SLC2A10: variants seen among roughly 807,000 people sequenced by gnomAD.
SLC2A10 encodes solute carrier family 2 member 10, also known as solute carrier family 2, facilitated glucose transporter member 10.
In SLC2A10, 25 loss-of-function variants were observed where a neutral mutation model predicts 32.1. That is an observed-to-expected ratio of 0.78 (90% CI 0.57 to 1.09). SLC2A10 has a LOEUF of 1.09. Among genes scored for constraint, SLC2A10 ranks in the 50% least tolerant of loss-of-function variants. The pLI, the probability that SLC2A10 is intolerant of heterozygous loss-of-function variation, is 0.00. For synonymous variants in SLC2A10, 332 were observed against 309.6 expected (o/e 1.07, Z -0.76); for missense variants, 673 against 686.5 (o/e 0.98, Z 0.22).
rs532190611 is a variant in SLC2A10, at chr20:46,720,876, G to A, written c.5-4165G>A. Reference sequence around the variant, plus strand: ...TTATTTTATATTCAAGTTATCTATTGCTGTTTAACAAAACACTCCAAGACT... The same window carrying A: ...TTATTTTATATTCAAGTTATCTATTACTGTTTAACAAAACACTCCAAGACT... On this transcript the variant is annotated intron_variant, in intron 1 of 4. Transcript: ENST00000359271. Among the ~76,000 whole-genome samples, 70 of 152,132 alleles carry A rather than the reference G, an allele frequency of 4.6e-4. 1 individual carries two copies. In the South Asian group the frequency reaches 0.013, roughly 29 times the overall value.
chr20:46,723,412 G>A (rs1979671051), intron 1 of SLC2A10, among the ~76,000 whole-genome samples: 1 of 152,176 alleles, frequency 6.6e-6, no homozygotes, highest in Non-Finnish European at 1.5e-5. Flanking sequence ...GGTGGGAAAT[G>A]TAGTCTTTTA....
At chr20:46,727,584 G>A (rs1321516957) in intron 3 of SLC2A10, among the ~76,000 whole-genome samples, 1 of 152,170 alleles carries the variant, frequency 6.6e-6, no homozygotes, top group Non-Finnish European at 1.5e-5. Context: ...CCAAAGTGCT[G>A]GGATTACGGG....
In SLC2A10 at chr20:46,736,069, G is replaced by A. The variant is rs1435241797; in HGVS notation, c.*2235G>A. 1.3e-5 allele frequency: 2 copies of A among 151,220 alleles called. No homozygotes were observed. Among genetic ancestry groups the A allele is most frequent in the African/African-American group, 4.9e-5 (2 of 41,048 alleles). The allele number at this position is 151,220 out of a possible 1,614,324, so 9.4% of individuals were successfully genotyped here. ...CAGTGATAGTTGACTTTGGATACAA[G>A]GTTTGGCAAAAAAAAAAATATTAAC... On this transcript the variant is annotated 3_prime_UTR_variant, in exon 5 of 5. Transcript: ENST00000359271.
At chr20:46,715,267 A>G (rs1244804153) in intron 1 of SLC2A10, among the ~76,000 whole-genome samples, 1 of 141,110 alleles carries the variant, frequency 7.1e-6, no homozygotes, top group African/African-American at 2.5e-5. Flanking sequence ...TCTATTGTCC[A>G]TTGGCCTTAT....
chr20:46,708,912 T>C (rs1978741112), upstream of SLC2A10, among the ~76,000 whole-genome samples: 1 of 152,230 alleles, frequency 6.6e-6, no homozygotes, highest in Admixed American at 6.5e-5. Flanking sequence ...GAATGCCGGA[T>C]CTCTGCTCAG....
intron 2 of SLC2A10, among the ~76,000 whole-genome samples, chr20:46,726,579 G>T (rs1014760948): frequency 2.0e-5 from 3 of 152,184 alleles, no homozygotes; most frequent in Admixed American, 1.3e-4. Context: ...AGCCCGGATA[G>T]CTCACAACTG....
At chr20:46,722,080 C>CATTTAAAAATCAGAAAATAGT (rs1292829971) in intron 1 of SLC2A10, among the ~76,000 whole-genome samples, 1 of 152,104 alleles carries the variant, frequency 6.6e-6, no homozygotes, top group East Asian at 1.9e-4. Flanking sequence ...CTTGGAACAG[C>CATTTAAAAATCAGAAAATAGT]ATTTAAAAAT....
Position 46,725,516 on chromosome 20 carries a change from C to G in SLC2A10, c.480C>G (p.Thr160=). 1 of 1,614,158 alleles carries G rather than the reference C, an allele frequency of 6.2e-7. No individual in the cohort carries two copies. Among genetic ancestry groups the G allele is most frequent in the Non-Finnish European group, 8.5e-7 (1 of 1,180,016 alleles). The part of the protein sequence containing the change: ...SYALNYALAG[T]PWGWRHMFGW... ...CCCTCAACTATGCACTGGCTGGTAC[C>G]CCCTGGGGATGGAGGCACATGTTCG... Residue 160 remains threonine, a synonymous_variant, in exon 2 of 5, where the codon ACC becomes ACG. Transcript: ENST00000359271.
chr20:46,722,614 C>T (rs1979623225), intron 1 of SLC2A10, among the ~76,000 whole-genome samples: 2 of 152,178 alleles, frequency 1.3e-5, no homozygotes, highest in African/African-American at 4.8e-5. Flanking sequence ...GGTTTCACTT[C>T]AAGATGGCCT....
At chr20:46,717,948 A>G (rs1393245869) in intron 1 of SLC2A10, among the ~76,000 whole-genome samples, 1 of 152,150 alleles carries the variant, frequency 6.6e-6, no homozygotes, top group African/African-American at 2.4e-5. Flanking sequence ...ACTGCCATGC[A>G]TGGTGACTCA....
At chr20:46,722,439 A>C (rs1979609905) in intron 1 of SLC2A10, among the ~76,000 whole-genome samples, 1 of 152,242 alleles carries the variant, frequency 6.6e-6, no homozygotes, top group Non-Finnish European at 1.5e-5. Context: ...TTTAGCATAA[A>C]ACATGTGCAG....
chr20:46,726,419 C>A, intron 2 of SLC2A10, 95 bp downstream of exon 2: 1 of 1,524,530 alleles, frequency 6.6e-7, no homozygotes, highest in Non-Finnish European at 8.8e-7. Context: ...GGCAGGGTGT[C>A]AGTGGGGCAC....
At chr20:46,709,787 A>G in intron 1 of SLC2A10, 47 bp downstream of exon 1, 1 of 1,545,932 alleles carries the variant, frequency 6.5e-7, no homozygotes. Flanking sequence ...ACCCCTTCCC[A>G]GGGTGTAGAC....
chr20:46,733,729 T>A (rs1453780961), intron 4 of SLC2A10, 27 bp from the exon 5 acceptor site: 1 of 1,608,466 alleles, frequency 6.2e-7, no homozygotes, highest in Admixed American at 1.7e-5. Context: ...TGCCACCCCC[T>A]GATCCCACGC....
rs1980534263 is a variant in SLC2A10, at chr20:46,735,709, T to C, written c.*1875T>C. 3 of 152,202 alleles carry C rather than the reference T, an allele frequency of 2.0e-5. No homozygotes were observed. The highest frequency in any genetic ancestry group is 7.2e-5 in the African/African-American group (3 of 41,438). The allele number at this position is 152,202 out of a possible 1,614,324, so 9.4% of individuals were successfully genotyped here. A position where few individuals can be genotyped will look rare whatever the true frequency, so the allele number is the denominator to read the frequency against. On this transcript the variant is annotated 3_prime_UTR_variant, in exon 5 of 5. Coordinates refer to ENST00000359271, the MANE Select transcript of SLC2A10 (RefSeq NM_030777.4). ...TTTATTGTTTGTTGATTTTCTAGAC[T>C]TCAGAACATGCTGGATAAAATGTCA... is the stretch of plus-strand genomic sequence containing the variant.
chr20:46,711,724 C>G lies in SLC2A10; in HGVS notation c.4+1984C>G, dbSNP rs145368783. 7.7e-3 allele frequency among the ~76,000 whole-genome samples: 1,176 copies of G among 152,258 alleles called. 8 individuals carry two copies. Among genetic ancestry groups the G allele is most frequent in the Non-Finnish European group, 0.011 (776 of 68,022 alleles). ...CACAGCAGGGACCAGGGATTGGGCT[C>G]TCTTTATAGCCTCTGGGGGCAGAAC... On this transcript the variant is annotated intron_variant, in intron 1 of 4. Transcript: ENST00000359271.
intron 1 of SLC2A10, chr20:46,710,125 C>A (rs896924806): frequency 2.9e-5 from 13 of 446,098 alleles, no homozygotes; most frequent in Non-Finnish European, 4.3e-5. Flanking sequence ...GCGGTTGTGC[C>A]CCAGGCGCTG....
In SLC2A10 at chr20:46,725,680, G is replaced by A. The variant is rs774497964; in HGVS notation, c.644G>A (p.Arg215Gln). 2.6e-5 allele frequency: 42 copies of A among 1,613,926 alleles called. No individual in the cohort carries two copies. The highest frequency in any genetic ancestry group is 4.5e-5 in the East Asian group (2 of 44,888). ...CCCAAGCTGGGCCCGGGGAGGCCAC[G>A]GTACTCCTTTCTGGACCTCTTCAGG... ...EAPKLGPGRP[R>Q]YSFLDLFRAR... Residue 215 changes from arginine to glutamine, a missense_variant, in exon 2 of 5, where the codon CGG becomes CAG. Physicochemically the swap from Arg to Gln is conservative, Grantham distance 43. Transcript: ENST00000359271.
intron 3 of SLC2A10, among the ~76,000 whole-genome samples, chr20:46,728,860 A>C (rs1159977274): frequency 6.6e-6 from 1 of 151,934 alleles, no homozygotes; most frequent in African/African-American, 2.4e-5. Flanking sequence ...CCTGAGCTCA[A>C]GTGATCCTCC....
Sources: allele counts gnomAD v4.1 joint callset (sites outside exome capture counted in the v4.1 genomes callset), GRCh38; gene constraint gnomAD v4.1.1; transcripts MANE v1.5; gene names NCBI Gene and HGNC (gene_info 2026-07-23, HGNC 2026-07-21).